SENP8: variants seen among roughly 807,000 people sequenced by gnomAD.
SENP8 encodes SUMO peptidase family member, NEDD8 specific, also known as sentrin-specific protease 8.
In SENP8, 10 loss-of-function variants were observed where a neutral mutation model predicts 14.4. That is an observed-to-expected ratio of 0.69 (90% confidence interval 0.43 to 1.18). The LOEUF is 1.18. Among genes scored for constraint, SENP8 ranks in the 50% most tolerant of loss-of-function variants. SENP8 has a pLI of 0.00. For synonymous variants in SENP8, 94 were observed against 95.5 expected, an observed-to-expected ratio of 0.98 and a Z score of 0.09; for missense variants, 202 against 249.4, an observed-to-expected ratio of 0.81 and a Z score of 1.28.
intron 1 of SENP8, among the ~76,000 whole-genome samples, chr15:72,124,011 A>C (rs2081191086): frequency 6.6e-6 from 1 of 152,258 alleles, no homozygotes; most frequent in Admixed American, 6.5e-5. Flanking sequence ...GGCCCCAGAC[A>C]GAATAAAGTG....
upstream of SENP8, among the ~76,000 whole-genome samples, chr15:72,115,475 C>G (rs1377440802): frequency 1.3e-5 from 2 of 152,172 alleles, no homozygotes; most frequent in East Asian, 3.8e-4. Context: ...AGCCAGAAAC[C>G]TAGATTTTAT....
At chr15:72,133,230 T>G (rs921024976) in intron 1 of SENP8, among the ~76,000 whole-genome samples, 4 of 152,200 alleles carry the variant, frequency 2.6e-5, no homozygotes, top group African/African-American at 4.8e-5. Flanking sequence ...TACCAATTAG[T>G]TCTATATATT....
Position 72,139,697 on chromosome 15 carries a change from G to A in SENP8, c.74G>A (p.Ser25Asn). Residue 25 changes from serine to asparagine, a missense_variant, in exon 2 of 2, where the codon AGC becomes AAC. Coordinates refer to ENST00000340912, the MANE Select transcript of SENP8 (RefSeq NM_145204.4). ...QSDVSLLDPPSWLNDHIIGFA... is the reference protein window; with the variant it reads ...QSDVSLLDPPNWLNDHIIGFA... ...GATGTCTCACTATTGGATCCGCCAAGCTGGCTCAATGACCATATTATTGGG... is the reference window on the plus strand; with the variant it reads ...GATGTCTCACTATTGGATCCGCCAAACTGGCTCAATGACCATATTATTGGG... 6.2e-7 allele frequency: 1 copy of A among 1,614,192 alleles called. No individual in the cohort carries two copies. The highest frequency in any genetic ancestry group is 1.7e-5 in the Admixed American group (1 of 60,018).
In SENP8 at chr15:72,139,787, G is replaced by T; in HGVS notation, c.164G>T (p.Ser55Ile). ...HDCSDHVSFISPEVTQFIKCT... is the reference protein window; with the variant it reads ...HDCSDHVSFIIPEVTQFIKCT... ...TGCTCTGATCACGTCAGTTTCATCA[G>T]CCCTGAAGTCACCCAGTTCATCAAG... is the stretch of plus-strand genomic sequence containing the variant. Residue 55 changes from serine to isoleucine, a missense_variant, in exon 2 of 2, where the codon AGC (serine) becomes ATC (isoleucine). Coordinates refer to ENST00000340912, the MANE Select transcript of SENP8 (RefSeq NM_145204.4). The T allele has an allele frequency of 6.2e-7, 1 of 1,614,132 alleles. No individual in the cohort carries two copies. Among genetic ancestry groups the T allele is most frequent in the Non-Finnish European group, 8.5e-7 (1 of 1,180,028 alleles).
intron 1 of SENP8, among the ~76,000 whole-genome samples, chr15:72,124,613 G>A (rs1389992942): frequency 6.6e-6 from 1 of 152,134 alleles, no homozygotes; most frequent in African/African-American, 2.4e-5. Context: ...GAACATTTAT[G>A]GAAAAGAGAT....
intron 1 of SENP8, among the ~76,000 whole-genome samples, chr15:72,127,386 A>C (rs1425524581): frequency 1.3e-5 from 2 of 152,174 alleles, no homozygotes; most frequent in African/African-American, 4.8e-5. Flanking sequence ...GTGGCATTTA[A>C]ACTAAGATCT....
rs1241965487 is a variant in SENP8, at chr15:72,139,647, C to T, written c.24C>T (p.Tyr8=). The change falls in exon 2 of 2, where the codon TAC becomes TAT. Residue 8 remains tyrosine, a synonymous_variant. Coordinates refer to ENST00000340912, the MANE Select transcript of SENP8 (RefSeq NM_145204.4). MDPVVLS[Y]MDSLLRQSDV... ...AGATGGACCCCGTAGTCTTGAGTTA[C>T]ATGGACAGTCTACTGCGGCAATCAG... The T allele has an allele frequency of 1.9e-6, 3 of 1,614,044 alleles. No homozygotes were observed. Among genetic ancestry groups the T allele is most frequent in the Non-Finnish European group, 2.5e-6 (3 of 1,179,902 alleles).
chr15:72,124,881 G>A (rs759892133), intron 1 of SENP8, among the ~76,000 whole-genome samples: 1 of 151,952 alleles, frequency 6.6e-6, no homozygotes, highest in Admixed American at 6.6e-5. Context: ...GATGGATATC[G>A]TTCTTGATTA....
chr15:72,127,627 G>A (rs2081233113), intron 1 of SENP8, among the ~76,000 whole-genome samples: 2 of 152,132 alleles, frequency 1.3e-5, no homozygotes, highest in African/African-American at 2.4e-5. Context: ...GAGTATGATA[G>A]CTACTAGAGA....
intron 1 of SENP8, among the ~76,000 whole-genome samples, chr15:72,136,752 T>A (rs570710187): frequency 6.6e-6 from 1 of 152,350 alleles, no homozygotes; most frequent in South Asian, 2.1e-4. Flanking sequence ...AATTCTAGTC[T>A]TGTCTTTTAC....
upstream of SENP8, chr15:72,117,676 T>C: frequency 2.5e-6 from 1 of 396,304 alleles, no homozygotes; most frequent in African/African-American, 2.1e-5. Flanking sequence ...TGGGCGGGTC[T>C]TACCTCGGGC....
rs142551543 is a variant in SENP8, at chr15:72,120,306, A to C, written c.-48+1842A>C. Among the ~76,000 whole-genome samples the C allele has an allele frequency of 2.5e-3, 386 of 152,368 alleles. 2 individuals carry two copies. Among genetic ancestry groups the C allele is most frequent in the African/African-American group, 9.0e-3 (373 of 41,590 alleles). ...GAGAAGCTGTATGAGGTAAAGACCA[A>C]GACAGTGTATGGCTGCTATCTATTA... On this transcript the variant is annotated intron_variant, in intron 1 of 1. Coordinates refer to ENST00000340912, the MANE Select transcript of SENP8 (RefSeq NM_145204.4).
chr15:72,118,053 G>T, upstream of SENP8: 1 of 396,144 alleles, frequency 2.5e-6, no homozygotes, highest in Non-Finnish European at 4.5e-6. Context: ...GCCAACCGCC[G>T]CCGCGTCCCT....
chr15:72,139,073 C>A (rs1296431855), intron 1 of SENP8, among the ~76,000 whole-genome samples: 2 of 150,558 alleles, frequency 1.3e-5, no homozygotes, highest in African/African-American at 4.9e-5. Context: ...ATAATATATA[C>A]CTTACCAATA....
chr15:72,139,934 G>GTT lies in SENP8; in HGVS notation c.313_314dup (p.Leu105PhefsTer29), dbSNP rs754181610. On this transcript the variant is annotated frameshift_variant, in exon 2 of 2. Transcript: ENST00000340912. LOFTEE classifies it high-confidence loss of function. Reference sequence around the variant, plus strand: ...CAGGCAGCTGGAGGAACCCACTGGAGTTTATTGGTCTACCTCCAAGATAAA... The same window carrying GTT: ...CAGGCAGCTGGAGGAACCCACTGGAGTTTTTATTGGTCTACCTCCAAGATAAA... The GTT allele has an allele frequency of 6.2e-7, 1 of 1,614,222 alleles. No individual in the cohort carries two copies. Among genetic ancestry groups the GTT allele is most frequent in the Non-Finnish European group, 8.5e-7 (1 of 1,180,030 alleles).
upstream of SENP8, among the ~76,000 whole-genome samples, chr15:72,115,591 A>C (rs2151223743): frequency 6.6e-6 from 1 of 152,324 alleles, no homozygotes; most frequent in East Asian, 1.9e-4. Context: ...TAACCCTAAT[A>C]TTCCTGGCCT....
At chr15:72,122,860 C>G (rs2095577215) in intron 1 of SENP8, among the ~76,000 whole-genome samples, 1 of 152,232 alleles carries the variant, frequency 6.6e-6, no homozygotes, top group Non-Finnish European at 1.5e-5. Context: ...GCTTACTCCA[C>G]AATCAACTTA....
rs574734661 is a variant in SENP8 at position 72,129,523 on chromosome 15, C to T, written c.-47-10054C>T. Among the ~76,000 whole-genome samples, 25 of 150,734 alleles carry T rather than the reference C, an allele frequency of 1.7e-4. No homozygotes were observed. In the East Asian group the frequency reaches 4.5e-3, roughly 27 times the overall value. On this transcript the variant is annotated intron_variant, in intron 1 of 1. Transcript: ENST00000340912. ...GATTACAGGCATGCACCACCACACC[C>T]GGCTAATTTTGTATTTTTTTTTTTT... is the stretch of plus-strand genomic sequence containing the variant.
intron 1 of SENP8, among the ~76,000 whole-genome samples, chr15:72,132,917 T>C (rs2081288967): frequency 6.6e-6 from 1 of 152,350 alleles, no homozygotes; most frequent in East Asian, 1.9e-4. Context: ...ATGCCTGTAA[T>C]CCCAGCACTT....
Sources: allele counts gnomAD v4.1 joint callset (sites outside exome capture counted in the v4.1 genomes callset), GRCh38; gene constraint gnomAD v4.1.1; transcripts MANE v1.5; gene names NCBI Gene and HGNC (gene_info 2026-07-23, HGNC 2026-07-21).